Variants in CUL4A observed in about 807,000 individuals in gnomAD.
The protein encoded by CUL4A is cullin 4A.
Under a neutral mutation model 95.5 loss-of-function variants are expected in CUL4A, and 16 were observed. The ratio of observed to expected loss-of-function variants is 0.17; its 90% confidence interval spans 0.11 to 0.25. The LOEUF (loss-of-function observed/expected upper bound fraction) is 0.25. Among genes scored for constraint, CUL4A ranks in the 10% least tolerant of loss-of-function variants. The pLI, the probability that CUL4A is intolerant of heterozygous loss-of-function variation, is 1.00. For synonymous variants in CUL4A, 380 were observed against 353.1 expected (o/e 1.08, Z -0.85); for missense variants, 610 against 937.0 (o/e 0.65, Z 4.56).
chr13:113,215,819 C>T (rs1339980234), intron 2 of CUL4A, among the ~76,000 whole-genome samples: 8 of 100,828 alleles, frequency 7.9e-5, no homozygotes, highest in Middle Eastern at 5.7e-3. Flanking sequence ...CTATGGAGGT[C>T]GCGTCCCATG....
intron 10 of CUL4A, among the ~76,000 whole-genome samples, chr13:113,241,701 A>G (rs1367288568): frequency 1.3e-5 from 2 of 151,780 alleles, no homozygotes; most frequent in African/African-American, 4.8e-5. Flanking sequence ...TTTAGTAGAG[A>G]TGGGGTTTCA....
At chr13:113,209,090 C>T (rs1026679220), upstream of CUL4A, 1 of 170,094 alleles carries the variant, frequency 5.9e-6, no homozygotes, top group Non-Finnish European at 1.1e-5. Context: ...TCATAAGGTG[C>T]CTCCGCCGCG....
intron 2 of CUL4A, among the ~76,000 whole-genome samples, chr13:113,215,685 G>A (rs1205712612): frequency 6.6e-6 from 1 of 151,124 alleles, no homozygotes; most frequent in Non-Finnish European, 1.5e-5. Flanking sequence ...TGACTATGGA[G>A]GTCGCGTCCC....
chr13:113,235,697 G>A (rs1478294093), intron 8 of CUL4A, among the ~76,000 whole-genome samples: 2 of 151,972 alleles, frequency 1.3e-5, no homozygotes, highest in Admixed American at 6.6e-5. Context: ...GCAGCTGGGC[G>A]CGGTGGCTCA....
chr13:113,229,818 G>A (rs1003253268), intron 5 of CUL4A: 4 of 473,744 alleles, frequency 8.4e-6, no homozygotes, highest in African/African-American at 2.0e-5. Context: ...AGCCTGGAGC[G>A]GCTCTTTCCA....
chr13:113,226,369 T>C (rs1039465099), intron 3 of CUL4A, among the ~76,000 whole-genome samples: 2 of 152,230 alleles, frequency 1.3e-5, no homozygotes, highest in African/African-American at 4.8e-5. Context: ...ATGTAGGAAG[T>C]CCATGTTCTG....
chr13:113,258,891 C>G (rs566554596), intron 18 of CUL4A, among the ~76,000 whole-genome samples: 4 of 152,316 alleles, frequency 2.6e-5, no homozygotes, highest in South Asian at 4.1e-4. Flanking sequence ...CAGGCCTGAT[C>G]AGGGAGCCAC....
Position 113,233,352 on chromosome 13 carries a change from T to A in CUL4A, c.675+13T>A, listed in dbSNP as rs2041426619. 3 of 1,608,966 alleles carry A rather than the reference T, an allele frequency of 1.9e-6. No homozygotes were observed. Among genetic ancestry groups the A allele is most frequent in the Non-Finnish European group, 1.7e-6 (2 of 1,178,092 alleles). On this transcript the variant is annotated intron_variant, in intron 6 of 19. Coordinates refer to ENST00000375440, the MANE Select transcript of CUL4A (RefSeq NM_001008895.4). Reference sequence around the variant, plus strand: ...GTCTGACCTGCAGGTGAGTGCTGCCTGTGCGGAAGATACCTGGGTACCTGC... The same window carrying A: ...GTCTGACCTGCAGGTGAGTGCTGCCAGTGCGGAAGATACCTGGGTACCTGC...
At chr13:113,263,196 A>T (rs1335242713) in intron 19 of CUL4A, among the ~76,000 whole-genome samples, 1 of 151,646 alleles carries the variant, frequency 6.6e-6, no homozygotes, top group Non-Finnish European at 1.5e-5. Context: ...ATGGCAGATG[A>T]TGTATGTACA....
intron 19 of CUL4A, among the ~76,000 whole-genome samples, chr13:113,261,740 T>C (rs1201822853): frequency 6.7e-6 from 1 of 150,274 alleles, no homozygotes; most frequent in African/African-American, 2.4e-5. Flanking sequence ...CTCTCAGGGG[T>C]AGAGTGTGGC....
intron 8 of CUL4A, 86 bp from the exon 9 acceptor site, chr13:113,236,737 C>A: frequency 1.1e-6 from 1 of 870,178 alleles, no homozygotes. Context: ...CTGCATCTGT[C>A]ATAGACAAAT....
Position 113,235,162 on chromosome 13 carries a change from C to A in CUL4A, c.848+17C>A. Reference sequence around the variant, plus strand: ...CAGCACACAGTAAGTACCGTTTGCTCGCTGAGCGTTCGTATCTTCACCATG... The same window carrying A: ...CAGCACACAGTAAGTACCGTTTGCTAGCTGAGCGTTCGTATCTTCACCATG... On this transcript the variant is annotated intron_variant, in intron 8 of 19. Coordinates refer to ENST00000375440, the MANE Select transcript of CUL4A (RefSeq NM_001008895.4). 2 of 1,555,536 alleles carry A rather than the reference C, an allele frequency of 1.3e-6. No individual in the cohort carries two copies. The highest frequency in any genetic ancestry group is 1.8e-6 in the Non-Finnish European group (2 of 1,129,842).
chr13:113,208,666 C>T (rs1468122816), upstream of CUL4A: 6 of 1,597,426 alleles, frequency 3.8e-6, no homozygotes, highest in South Asian at 4.5e-5. Context: ...GCGCCACCCC[C>T]TACGCCTCAA....
chr13:113,232,946 A>T (rs2041408760), intron 5 of CUL4A, among the ~76,000 whole-genome samples: 1 of 152,154 alleles, frequency 6.6e-6, no homozygotes. Flanking sequence ...GGCATGCATG[A>T]CCTAGCAGCG....
At chr13:113,217,168 T>C (rs1449416365) in intron 2 of CUL4A, among the ~76,000 whole-genome samples, 2 of 152,208 alleles carry the variant, frequency 1.3e-5, no homozygotes, top group Admixed American at 6.5e-5. Context: ...TCTTCATGTG[T>C]TATATAAAAA....
chr13:113,239,689 G>C, intron 10 of CUL4A, 138 bp downstream of exon 10: 1 of 617,580 alleles, frequency 1.6e-6, no homozygotes, highest in Admixed American at 3.3e-5. Context: ...ACAGATGATA[G>C]GGTGGACAGT....
intron 5 of CUL4A, among the ~76,000 whole-genome samples, chr13:113,232,934 G>A (rs142742134): frequency 1.4e-3 from 206 of 152,338 alleles, no homozygotes; most frequent in African/African-American, 4.8e-3. Flanking sequence ...TTTACTGTCA[G>A]TGGCATGCAT....
intron 15 of CUL4A, among the ~76,000 whole-genome samples, chr13:113,248,102 A>G (rs1185906241): frequency 1.3e-5 from 2 of 151,990 alleles, no homozygotes; most frequent in East Asian, 3.9e-4. Context: ...TGGTTTCTCC[A>G]CCGTATCGTT....
At position 113,209,924 on chromosome 13, in the gene CUL4A, G is replaced by C. The variant is rs140438112; in HGVS notation, c.149-49G>C. On this transcript the variant is annotated intron_variant, in intron 1 of 19. Coordinates refer to ENST00000375440, the MANE Select transcript of CUL4A (RefSeq NM_001008895.4). Reference sequence around the variant, plus strand: ...GGCCGGGTCGGGGGTGGCTACGCGGGGCGCTTCGCGGCGCGCCCTGAGCCG... The same window carrying C: ...GGCCGGGTCGGGGGTGGCTACGCGGCGCGCTTCGCGGCGCGCCCTGAGCCG... 10,055 of 1,402,700 alleles carry C rather than the reference G, an allele frequency of 7.2e-3. 51 individuals carry two copies. Among genetic ancestry groups the C allele is most frequent in the Non-Finnish European group, 8.3e-3 (8,899 of 1,067,182 alleles). The allele number at this position is 1,402,700 out of a possible 1,614,324, so 86.9% of individuals were successfully genotyped here. A position where few individuals can be genotyped will look rare whatever the true frequency, so the allele number is the denominator to read the frequency against.
Sources: gnomAD v4.1 joint callset for allele counts (sites outside exome capture counted in the v4.1 genomes callset) on GRCh38, gnomAD v4.1.1 for gene constraint, MANE v1.5 for transcripts, NCBI Gene and HGNC (gene_info 2026-07-23, HGNC 2026-07-21) for gene names.